The following KSR2 variants were observed in gnomAD, a reference collection of about 807,000 sequenced individuals.
The protein encoded by KSR2 is kinase suppressor of ras 2.
Under a neutral mutation model 107.8 loss-of-function variants are expected in KSR2, and 25 were observed. The observed-to-expected ratio is 0.23, with a 90% confidence interval of 0.17 to 0.32. The LOEUF (loss-of-function observed/expected upper bound fraction) is 0.32, where lower values mean the gene tolerates loss of function less well. Among genes scored for constraint, KSR2 ranks in the 10% least tolerant of loss-of-function variants. The probability of loss-of-function intolerance (pLI) is 1.00; values close to 1 mark genes in which losing one functional copy is unlikely to be tolerated. For synonymous variants in KSR2, 480 were observed against 507.0 expected, an observed-to-expected ratio of 0.95 and a Z score of 0.71; for missense variants, 887 against 1,268.9, an observed-to-expected ratio of 0.70 and a Z score of 4.57.
intron 4 of KSR2, 23 bp from the exon 5 acceptor site, chr12:117,667,681 G>T: frequency 6.5e-7 from 1 of 1,539,682 alleles, no homozygotes; most frequent in East Asian, 2.3e-5. Context: ...CAGAAAAAGA[G>T]GAAAAGGAAA....
intron 6 of KSR2, 21 bp downstream of exon 6, chr12:117,582,269 G>A (rs1458136137): frequency 6.2e-7 from 1 of 1,607,484 alleles, no homozygotes; most frequent in South Asian, 1.1e-5. Flanking sequence ...AGGCACCAGT[G>A]CACACAGGAA....
chr12:117,581,011 A>C (rs1322773461), intron 6 of KSR2, among the ~76,000 whole-genome samples: 1 of 152,200 alleles, frequency 6.6e-6, no homozygotes, highest in African/African-American at 2.4e-5. Flanking sequence ...GAGGAGGAAA[A>C]TACAAAAAAA....
chr12:117,821,504 A>C lies in KSR2; in HGVS notation c.472+33924T>G, dbSNP rs75390389. Among the ~76,000 whole-genome samples the C allele has an allele frequency of 5.7e-3, 870 of 152,318 alleles. 6 individuals carry two copies. The highest frequency in any genetic ancestry group is 0.019 in the African/African-American group (807 of 41,576). On this transcript the variant is annotated intron_variant, in intron 3 of 19. Coordinates refer to ENST00000339824, the MANE Select transcript of KSR2 (RefSeq NM_173598.6). ...TATTGTAGGAATACGTATATTCATA[A>C]CATACAAAATATGTGTTAACTGACT...
At chr12:117,633,385 C>T (rs564640583) in intron 5 of KSR2, among the ~76,000 whole-genome samples, 5 of 152,190 alleles carry the variant, frequency 3.3e-5, no homozygotes, top group South Asian at 4.1e-4. Flanking sequence ...AACAGGTGTG[C>T]GGGTTGCGCC....
intron 1 of KSR2, among the ~76,000 whole-genome samples, chr12:117,944,547 A>G (rs1257884560): frequency 6.6e-6 from 1 of 151,500 alleles, no homozygotes. Flanking sequence ...ATGTTATCTC[A>G]GTTTGTAAAA....
chr12:117,503,305 CA>C (rs1481403688), intron 14 of KSR2, among the ~76,000 whole-genome samples: 1 of 152,186 alleles, frequency 6.6e-6, no homozygotes, highest in Non-Finnish European at 1.5e-5. Context: ...GTACAGACAA[CA>C]CCAGTGTTCA....
chr12:117,948,005 TTATAAA>T (rs1299124642), intron 1 of KSR2, among the ~76,000 whole-genome samples: 7 of 152,122 alleles, frequency 4.6e-5, no homozygotes, highest in Admixed American at 2.0e-4. Flanking sequence ...CAGATATTTA[TTATAAA>T]TATAGACAGG....
At chr12:117,856,537 C>G (rs1293222700) in intron 2 of KSR2, among the ~76,000 whole-genome samples, 1 of 152,012 alleles carries the variant, frequency 6.6e-6, no homozygotes. Context: ...AGTGCAATGG[C>G]GCGATCTCGG....
intron 5 of KSR2, among the ~76,000 whole-genome samples, chr12:117,652,074 T>C (rs1883926509): frequency 6.6e-6 from 1 of 152,124 alleles, no homozygotes; most frequent in Non-Finnish European, 1.5e-5. Context: ...AAACCAAACA[T>C]TGTATGTTCT....
At chr12:117,795,690 A>G (rs1365825042) in intron 3 of KSR2, among the ~76,000 whole-genome samples, 1 of 152,140 alleles carries the variant, frequency 6.6e-6, no homozygotes, top group Non-Finnish European at 1.5e-5. Flanking sequence ...ATGCAGTGGT[A>G]CAATCATAGC....
intron 12 of KSR2, among the ~76,000 whole-genome samples, chr12:117,529,725 A>G (rs2137251566): frequency 6.6e-6 from 1 of 151,256 alleles, no homozygotes; most frequent in African/African-American, 2.4e-5. Context: ...AATATCAGAC[A>G]GGTGCAGTGG....
At chr12:117,658,793 AC>A (rs1164593670) in intron 5 of KSR2, among the ~76,000 whole-genome samples, 1 of 151,796 alleles carries the variant, frequency 6.6e-6, no homozygotes, top group Non-Finnish European at 1.5e-5. Flanking sequence ...AACAAACCCA[AC>A]CCCCCTGCAG....
intron 3 of KSR2, among the ~76,000 whole-genome samples, chr12:117,792,969 A>AACC (rs1890316716): frequency 6.9e-6 from 1 of 145,036 alleles, no homozygotes; most frequent in African/African-American, 2.6e-5. Flanking sequence ...CACACACAAC[A>AACC]TGCACACACT....
chr12:117,573,255 A>G (rs949941990), intron 7 of KSR2, among the ~76,000 whole-genome samples: 1 of 152,188 alleles, frequency 6.6e-6, no homozygotes, highest in Non-Finnish European at 1.5e-5. Flanking sequence ...CCCAAAGTTA[A>G]TTCATAAAGT....
rs2137097829 is a variant in KSR2, at chr12:117,462,399, A to G, written c.*4800T>C. The G allele has an allele frequency of 6.6e-6, 1 of 152,250 alleles. No homozygotes were observed. The highest frequency in any genetic ancestry group is 1.5e-5 in the Non-Finnish European group (1 of 68,034). The allele number at this position is 152,250 out of a possible 1,614,324, so 9.4% of individuals were successfully genotyped here. A position where few individuals can be genotyped will look rare whatever the true frequency, so the allele number is the denominator to read the frequency against. ...ATCCAATGTGACTCGTGTCCTTATA[A>G]GAAGATGGCCATATGAAGATAGGGA... On this transcript the variant is annotated 3_prime_UTR_variant, in exon 20 of 20. Coordinates refer to ENST00000339824, the MANE Select transcript of KSR2 (RefSeq NM_173598.6).
rs187175200 is a variant in KSR2 at position 117,815,609 on chromosome 12, G to A, written c.472+39819C>T. Among the ~76,000 whole-genome samples, 232 of 152,230 alleles carry A rather than the reference G, an allele frequency of 1.5e-3. 1 individual carries two copies. The highest frequency in any genetic ancestry group is 5.3e-3 in the African/African-American group (221 of 41,524). ...CAAGAATGTGAGTATTAAGTAAACA[G>A]TATATATGCTAAAGAGTGCATGAAA... On this transcript the variant is annotated intron_variant, in intron 3 of 19. Coordinates refer to ENST00000339824, the MANE Select transcript of KSR2 (RefSeq NM_173598.6).
Position 117,688,876 on chromosome 12 carries a change from G to T in KSR2, c.987-21218C>A, listed in dbSNP as rs56187125. ...GTTTATGTCAAACTCTAGACACCCGGTCACAACTCATTTAGCAGATCTCCT... is the reference window on the plus strand; with the variant it reads ...GTTTATGTCAAACTCTAGACACCCGTTCACAACTCATTTAGCAGATCTCCT... On this transcript the variant is annotated intron_variant, in intron 4 of 19. Coordinates refer to ENST00000339824, the MANE Select transcript of KSR2 (RefSeq NM_173598.6). Among the ~76,000 whole-genome samples the T allele has an allele frequency of 7.5e-3, 1,138 of 152,250 alleles. 3 individuals carry two copies. The highest frequency in any genetic ancestry group is 0.012 in the Non-Finnish European group (792 of 68,020).
At chr12:117,547,011 C>A (rs1038760940) in intron 9 of KSR2, among the ~76,000 whole-genome samples, 8 of 152,142 alleles carry the variant, frequency 5.3e-5, no homozygotes, top group African/African-American at 1.9e-4. Context: ...GATTGTCTTT[C>A]TTTTTCTATT....
At chr12:117,648,944 T>G (rs919336034) in intron 5 of KSR2, among the ~76,000 whole-genome samples, 13 of 152,208 alleles carry the variant, frequency 8.5e-5, no homozygotes, top group Non-Finnish European at 1.6e-4. Context: ...GTGCTACAGA[T>G]GCGCAACAGC....
Sources: allele counts gnomAD v4.1 joint callset (sites outside exome capture counted in the v4.1 genomes callset), GRCh38; gene constraint gnomAD v4.1.1; transcripts MANE v1.5; gene names NCBI Gene and HGNC (gene_info 2026-07-23, HGNC 2026-07-21).